NOMO1: variants seen among roughly 807,000 people sequenced by gnomAD.
The protein encoded by NOMO1 is nodal modulator 3.
NOMO1 carries 40 observed loss-of-function variants against 133.8 expected under a neutral mutation model. The ratio of observed to expected loss-of-function variants is 0.30; its 90% CI spans 0.23 to 0.39. The LOEUF (loss-of-function observed/expected upper bound fraction) is 0.39. NOMO1 is among the 10% of genes least tolerant of loss of function. The pLI, the probability that NOMO1 is intolerant of heterozygous loss-of-function variation, is 1.00. For synonymous variants in NOMO1, 236 were observed against 570.5 expected (o/e 0.41, Z 8.36); for missense variants, 462 against 1,419.9 (o/e 0.33, Z 10.84).
At chr16:14,859,489 C>T (rs1963890446) in intron 11 of NOMO1, among the ~76,000 whole-genome samples, 1 of 151,978 alleles carries the variant, frequency 6.6e-6, no homozygotes, top group East Asian at 1.9e-4. Flanking sequence ...ATGGGGCTTT[C>T]ACCCTACCAG....
chr16:14,887,691 C>T (rs1217744403), intron 28 of NOMO1, among the ~76,000 whole-genome samples: 4 of 152,162 alleles, frequency 2.6e-5, no homozygotes, highest in South Asian at 4.1e-4. Context: ...TGGGCATGAT[C>T]GACTCTTGCA....
Position 14,875,270 on chromosome 16 carries a change from C to A in NOMO1, c.2273+16C>A, listed in dbSNP as rs1221243716. On this transcript the variant is annotated intron_variant, in intron 19 of 30. Transcript: ENST00000287667. ...ACTGGGCGCGGTAAGCTCTCTTGTG[C>A]GTTTCCCTACAGTGTCCTCTGTTTT... is the stretch of plus-strand genomic sequence containing the variant. 3 of 1,610,546 alleles carry A rather than the reference C, an allele frequency of 1.9e-6. No individual in the cohort carries two copies. Among genetic ancestry groups the A allele is most frequent in the Non-Finnish European group, 2.5e-6 (3 of 1,179,490 alleles).
chr16:14,886,943 C>G, intron 28 of NOMO1, 81 bp downstream of exon 28: 2 of 1,460,530 alleles, frequency 1.4e-6, no homozygotes, highest in Non-Finnish European at 1.9e-6. Flanking sequence ...CAGTTCTCTC[C>G]TTTTCTCCCT....
At chr16:14,838,899 C>A (rs1458781807) in intron 2 of NOMO1, among the ~76,000 whole-genome samples, 2 of 151,162 alleles carry the variant, frequency 1.3e-5, no homozygotes, top group Non-Finnish European at 2.9e-5. Flanking sequence ...ATTGTTAAAA[C>A]AATTGTACAA....
intron 3 of NOMO1, among the ~76,000 whole-genome samples, chr16:14,842,373 T>C (rs1344248245): frequency 3.2e-4 from 48 of 148,456 alleles, no homozygotes; most frequent in Middle Eastern, 3.4e-3. Flanking sequence ...AGCAGCTCTT[T>C]TATCAGTTTA....
At chr16:14,838,914 T>C (rs1963562145) in intron 2 of NOMO1, among the ~76,000 whole-genome samples, 1 of 151,520 alleles carries the variant, frequency 6.6e-6, no homozygotes, top group South Asian at 2.1e-4. Context: ...GTACAAGTAA[T>C]ACATGAATTC....
chr16:14,889,524 C>T (rs1373210773), intron 29 of NOMO1, among the ~76,000 whole-genome samples: 2 of 151,940 alleles, frequency 1.3e-5, no homozygotes, highest in Non-Finnish European at 2.9e-5. Context: ...AGAGTGAGAC[C>T]CTTTCTCCAG....
intron 3 of NOMO1, among the ~76,000 whole-genome samples, chr16:14,842,448 C>G (rs1963618912): frequency 6.7e-6 from 1 of 148,970 alleles, no homozygotes; most frequent in Non-Finnish European, 1.5e-5. Context: ...GGAATGCAGC[C>G]CTGCTCATGG....
At chr16:14,892,518 CTG>C (rs996083353) in intron 29 of NOMO1, among the ~76,000 whole-genome samples, 1 of 150,942 alleles carries the variant, frequency 6.6e-6, no homozygotes, top group African/African-American at 2.4e-5. Flanking sequence ...ATGTAAGAAA[CTG>C]TGCCCTGGTG....
At chr16:14,840,625 T>A in intron 2 of NOMO1, among the ~76,000 whole-genome samples, 2 of 149,422 alleles carry the variant, frequency 1.3e-5, no homozygotes, top group Admixed American at 6.7e-5. Flanking sequence ...GAAACCAGGG[T>A]TGATAAGTAA....
chr16:14,888,357 CCT>C (rs1964357144), intron 28 of NOMO1: 2 of 148,834 alleles, frequency 1.3e-5, no homozygotes. Context: ...TCACACTTCC[CCT>C]GAGTTCAGAG....
At position 14,875,128 on chromosome 16, in the gene NOMO1, C is replaced by T. The variant is rs762379031; in HGVS notation, c.2147C>T (p.Ala716Val). The change falls in exon 19 of 31, where the codon GCC becomes GTC. Residue 716 changes from alanine to valine, a missense_variant. Physicochemically the swap from Ala to Val is moderately conservative, Grantham distance 64. Coordinates refer to ENST00000287667, the MANE Select transcript of NOMO1 (RefSeq NM_014287.4). Reference sequence around the variant, plus strand: ...GAGCAGCAGCTGGCTGAGATCGAGGCCCGCAGGCAGGAGAGGGAGAAAAAC... The same window carrying T: ...GAGCAGCAGCTGGCTGAGATCGAGGTCCGCAGGCAGGAGAGGGAGAAAAAC... ...RREQQLAEIEARRQEREKNGN... is the reference protein window; with the variant it reads ...RREQQLAEIEVRRQEREKNGN... The T allele has an allele frequency of 1.2e-6, 2 of 1,613,736 alleles. No individual in the cohort carries two copies. The highest frequency in any genetic ancestry group is 1.7e-6 in the Non-Finnish European group (2 of 1,179,834).
chr16:14,845,536 G>A (rs890204274), intron 4 of NOMO1, among the ~76,000 whole-genome samples: 7 of 152,084 alleles, frequency 4.6e-5, no homozygotes, highest in East Asian at 1.9e-4. Flanking sequence ...GGACCGCCAC[G>A]GTGGTGTGAA....
intron 16 of NOMO1, among the ~76,000 whole-genome samples, chr16:14,869,064 G>A (rs1480143373): frequency 1.5e-4 from 23 of 151,900 alleles, no homozygotes; most frequent in South Asian, 8.3e-4. Context: ...TCAGCCTCTC[G>A]AGTAGCTGGG....
chr16:14,833,762 C>G lies in NOMO1; in HGVS notation c.-90C>G. ...GTGGGGCGGGGCCTGGGCTGTCAGC[C>G]GGCCTAGGAGGAGGAAGGAGCCTGC... On this transcript the variant is annotated 5_prime_UTR_variant, in exon 1 of 31. Coordinates refer to ENST00000287667, the MANE Select transcript of NOMO1 (RefSeq NM_014287.4). 1.3e-6 allele frequency: 1 copy of G among 751,320 alleles called. No homozygotes were observed. The highest frequency in any genetic ancestry group is 1.9e-6 in the Non-Finnish European group (1 of 536,484). 46.5% of individuals were successfully genotyped at this position (751,320 alleles called of 1,614,324 possible). A position where few individuals can be genotyped will look rare whatever the true frequency, so the allele number is the denominator to read the frequency against.
At chr16:14,850,955 A>G (rs1478832346) in intron 6 of NOMO1, among the ~76,000 whole-genome samples, 1 of 149,666 alleles carries the variant, frequency 6.7e-6, no homozygotes, top group Non-Finnish European at 1.5e-5. Context: ...ATGGTGGCAT[A>G]CACCTGTAAT....
intron 6 of NOMO1, among the ~76,000 whole-genome samples, chr16:14,851,343 T>A (rs948050119): frequency 1.3e-5 from 2 of 151,924 alleles, no homozygotes; most frequent in Non-Finnish European, 2.9e-5. Context: ...AGTACCCAAT[T>A]TGTGACAAGC....
chr16:14,874,664 GT>G (rs1315848511), intron 18 of NOMO1, among the ~76,000 whole-genome samples: 1 of 151,978 alleles, frequency 6.6e-6, no homozygotes, highest in Non-Finnish European at 1.5e-5. Context: ...GGTCTGTTTT[GT>G]TGATGCTGTA....
chr16:14,892,319 C>T (rs1205588714), intron 29 of NOMO1, among the ~76,000 whole-genome samples: 1 of 150,922 alleles, frequency 6.6e-6, no homozygotes, highest in Non-Finnish European at 1.5e-5. Flanking sequence ...GCACTGTGGC[C>T]CCAGTTGCTG....
Sources: gnomAD v4.1 joint callset for allele counts (sites outside exome capture counted in the v4.1 genomes callset) on GRCh38, gnomAD v4.1.1 for gene constraint, MANE v1.5 for transcripts, NCBI Gene and HGNC (gene_info 2026-07-23, HGNC 2026-07-21) for gene names.